LAMA2: variants seen among roughly 807,000 people sequenced by gnomAD.
The protein encoded by LAMA2 is laminin subunit alpha 2, also known as laminin subunit alpha-2.
LAMA2 carries 269 observed loss-of-function variants against 364.8 expected under a neutral mutation model. The ratio of observed to expected loss-of-function variants is 0.74; its 90% confidence interval spans 0.67 to 0.82. LAMA2 has a LOEUF of 0.82. Among genes scored for constraint, LAMA2 ranks in the 40% least tolerant of loss-of-function variants. The pLI, the probability that LAMA2 is intolerant of heterozygous loss-of-function variation, is 0.00. For missense variants in LAMA2, 3,807 were observed against 3,873.2 expected, an observed-to-expected ratio of 0.98 and a Z score of 0.45; for synonymous variants, 1,379 against 1,370.6, an observed-to-expected ratio of 1.01 and a Z score of -0.14.
intron 17 of LAMA2, among the ~76,000 whole-genome samples, chr6:129,274,978 G>GA (rs1788202463): frequency 6.6e-6 from 1 of 151,906 alleles, no homozygotes; most frequent in Non-Finnish European, 1.5e-5. Flanking sequence ...ATTGGCACAA[G>GA]GCTGGACAGA....
chr6:128,945,795 CTGTGAATATGA>C (rs1024457709), intron 1 of LAMA2, among the ~76,000 whole-genome samples: 18 of 152,164 alleles, frequency 1.2e-4, no homozygotes, highest in African/African-American at 4.3e-4. Context: ...TGATTGGAGC[CTGTGAATATGA>C]TGGGACATCA....
chr6:129,404,738 T>C (rs1157886108), intron 40 of LAMA2, among the ~76,000 whole-genome samples: 1 of 152,110 alleles, frequency 6.6e-6, no homozygotes, highest in Non-Finnish European at 1.5e-5. Flanking sequence ...TGAGAATTTT[T>C]TGGGGGAGAA....
chr6:129,464,289 GTCC>G lies in LAMA2; in HGVS notation c.6995_6997del (p.Pro2332del). 1 of 1,610,780 alleles carries G rather than the reference GTCC, an allele frequency of 6.2e-7. No homozygotes were observed. The highest frequency in any genetic ancestry group is 8.5e-7 in the Non-Finnish European group (1 of 1,177,472). On this transcript the variant is annotated inframe_deletion and splice_region_variant, in exon 50 of 65. Coordinates refer to ENST00000421865, the MANE Select transcript of LAMA2 (RefSeq NM_000426.4). ...TTCATGTGAAATGTCTCTCTTCTCA[GTCC>G]TCAGGTGGAAGATAGTGAGGGGACT...
chr6:129,460,051 G>T, intron 48 of LAMA2, 149 bp from the exon 49 acceptor site: 1 of 741,220 alleles, frequency 1.3e-6, no homozygotes, highest in Non-Finnish European at 2.4e-6. Flanking sequence ...GACAGACTAT[G>T]ATGAAAAGAT....
rs528372798 is a variant in LAMA2 at position 128,946,851 on chromosome 6, AACATTTG to A, written c.112+63496_112+63502del. ...GTTTTCTTATTGATGATTCTCTGCTAACATTTGATAAGTAGGTCCCATTGAATATCAC... is the reference window on the plus strand; with the variant it reads ...GTTTTCTTATTGATGATTCTCTGCTAATAAGTAGGTCCCATTGAATATCAC... On this transcript the variant is annotated intron_variant, in intron 1 of 64. Coordinates refer to ENST00000421865, the MANE Select transcript of LAMA2 (RefSeq NM_000426.4). Among the ~76,000 whole-genome samples the A allele has an allele frequency of 1.6e-3, 237 of 152,356 alleles. 1 individual carries two copies. The highest frequency in any genetic ancestry group is 6.8e-3 in the Middle Eastern group (2 of 294).
chr6:129,475,954 C>A, intron 53 of LAMA2, among the ~76,000 whole-genome samples: 1 of 152,114 alleles, frequency 6.6e-6, no homozygotes, highest in East Asian at 1.9e-4. Flanking sequence ...TTAAAACTAG[C>A]TATGGTGCCA....
intron 1 of LAMA2, among the ~76,000 whole-genome samples, chr6:128,955,487 C>T (rs536802355): frequency 7.8e-4 from 118 of 151,898 alleles, no homozygotes; most frequent in Non-Finnish European, 1.3e-3. Context: ...TAGATTCCCT[C>T]GTTGAAACTC....
intron 8 of LAMA2, among the ~76,000 whole-genome samples, chr6:129,155,768 T>C (rs1779076750): frequency 1.3e-5 from 2 of 152,120 alleles, no homozygotes; most frequent in African/African-American, 4.8e-5. Context: ...ACTATCTTCA[T>C]TGCTTTAGTA....
intron 1 of LAMA2, among the ~76,000 whole-genome samples, chr6:128,998,522 C>T (rs1784151011): frequency 9.4e-6 from 1 of 106,874 alleles, no homozygotes; most frequent in East Asian, 2.0e-4. Context: ...AGACAGTGGG[C>T]GCAGGCCAGT....
chr6:129,460,077 C>T, intron 48 of LAMA2, 123 bp from the exon 49 acceptor site: 4 of 953,290 alleles, frequency 4.2e-6, no homozygotes, highest in Non-Finnish European at 6.7e-6. Context: ...TGTACATATG[C>T]CAAAATATCA....
chr6:129,008,620 G>T (rs532750858), intron 1 of LAMA2, among the ~76,000 whole-genome samples: 3 of 152,132 alleles, frequency 2.0e-5, no homozygotes, highest in South Asian at 2.1e-4. Flanking sequence ...CTAAATTTTT[G>T]ATCTTTATTA....
At chr6:129,034,476 C>CT (rs1277240192) in intron 1 of LAMA2, among the ~76,000 whole-genome samples, 1 of 150,856 alleles carries the variant, frequency 6.6e-6, no homozygotes, top group East Asian at 1.9e-4. Flanking sequence ...TTTCCTTTTT[C>CT]TTTTTTTAAT....
chr6:128,975,769 G>A (rs1231915179), intron 1 of LAMA2, among the ~76,000 whole-genome samples: 1 of 152,178 alleles, frequency 6.6e-6, no homozygotes, highest in African/African-American at 2.4e-5. Flanking sequence ...TGCTCTTCAA[G>A]TACTTTCTGC....
chr6:128,983,175 G>C lies in LAMA2; in HGVS notation c.113-66743G>C, dbSNP rs573579986. 2.0e-5 allele frequency among the ~76,000 whole-genome samples: 3 copies of C among 152,162 alleles called. No individual in the cohort carries two copies. In the East Asian group the frequency reaches 5.8e-4, roughly 29 times the overall value. On this transcript the variant is annotated intron_variant, in intron 1 of 64. Coordinates refer to ENST00000421865, the MANE Select transcript of LAMA2 (RefSeq NM_000426.4). ...AGGGTATTTCTAGTTCTAGATCCCT[G>C]AGGAATCGCCACACTGACTTCCACA...
At chr6:129,261,862 A>C (rs1440509182) in intron 15 of LAMA2, among the ~76,000 whole-genome samples, 1 of 152,154 alleles carries the variant, frequency 6.6e-6, no homozygotes, top group East Asian at 1.9e-4. Flanking sequence ...AAATTCATGT[A>C]GATGAGAGAA....
At chr6:128,974,550 T>C (rs1782401567) in intron 1 of LAMA2, among the ~76,000 whole-genome samples, 2 of 152,212 alleles carry the variant, frequency 1.3e-5, no homozygotes, top group Admixed American at 6.5e-5. Context: ...AATTATATTA[T>C]GGGATGGAAC....
chr6:129,396,626 G>A (rs763953492), intron 37 of LAMA2, among the ~76,000 whole-genome samples: 2 of 152,122 alleles, frequency 1.3e-5, no homozygotes, highest in Non-Finnish European at 1.5e-5. Flanking sequence ...GGGAACTGGG[G>A]ACGTCATGGG....
rs1293824666 is a variant in LAMA2 at position 129,514,555 on chromosome 6, A to C, written c.9171A>C (p.Ser3057=). 25 of 1,614,038 alleles carry C rather than the reference A, an allele frequency of 1.5e-5. No individual in the cohort carries two copies. The highest frequency in any genetic ancestry group is 1.9e-5 in the Non-Finnish European group (22 of 1,180,022). ...AAAGCCCAAACCCAGCATCTACATC[A>C]GCTGACACAAATGACCCTGTGTTTG... ...EAQSPNPAST[S]ADTNDPVFVG... Residue 3057 remains serine (S), a synonymous_variant, in exon 64 of 65, where the codon TCA becomes TCC. Transcript: ENST00000421865.
At chr6:128,922,663 G>T in intron 1 of LAMA2, among the ~76,000 whole-genome samples, 1 of 151,950 alleles carries the variant, frequency 6.6e-6, no homozygotes, top group Non-Finnish European at 1.5e-5. Flanking sequence ...TCGGTTGCCT[G>T]TTCACTCTGC....
Sources: allele counts gnomAD v4.1 joint callset (sites outside exome capture counted in the v4.1 genomes callset), GRCh38; gene constraint gnomAD v4.1.1; transcripts MANE v1.5; gene names NCBI Gene and HGNC (gene_info 2026-07-23, HGNC 2026-07-21).